The following CHST10 variants were observed in gnomAD, a reference collection of about 807,000 sequenced individuals.
CHST10 encodes the protein HNK-1 sulfotransferase.
CHST10 carries 24 observed loss-of-function variants against 34.7 expected under a neutral mutation model. The observed-to-expected ratio is 0.69, with a 90% confidence interval of 0.50 to 0.97. The LOEUF is 0.97. CHST10 is among the 50% of genes least tolerant of loss of function. The pLI is 0.00. For missense variants in CHST10, 402 were observed against 452.1 expected, an observed-to-expected ratio of 0.89 and a Z score of 1.00; for synonymous variants, 161 against 169.3, an observed-to-expected ratio of 0.95 and a Z score of 0.38.
chr2:100,415,070 G>A lies in CHST10; in HGVS notation c.-62C>T. On this transcript the variant is annotated 5_prime_UTR_variant, in exon 2 of 7. Transcript: ENST00000264249. ...TGCAGCCTGGGGCTCACATTTCCTT[G>A]CTGTGTTTCCCCTGAACTGAGGTTC... is the stretch of plus-strand genomic sequence containing the variant. 2 of 1,302,946 alleles carry A rather than the reference G, an allele frequency of 1.5e-6. No individual in the cohort carries two copies. The highest frequency in any genetic ancestry group is 2.0e-6 in the Non-Finnish European group (2 of 988,340). 80.7% of individuals were successfully genotyped at this position (1,302,946 alleles called of 1,614,324 possible). A position where few individuals can be genotyped will look rare whatever the true frequency, so the allele number is the denominator to read the frequency against.
chr2:100,397,892 G>A lies in CHST10; in HGVS notation c.427+16C>T. The A allele has an allele frequency of 1.3e-6, 2 of 1,593,398 alleles. No homozygotes were observed. The highest frequency in any genetic ancestry group is 1.7e-5 in the Admixed American group (1 of 59,478). ...CAAGACCCTTCCCAGTGGACATTCA[G>A]TAGACCCACACACACCATTTAGAAC... On this transcript the variant is annotated intron_variant, in intron 5 of 6. Coordinates refer to ENST00000264249, the MANE Select transcript of CHST10 (RefSeq NM_004854.5).
Position 100,394,058 on chromosome 2 carries a change from T to C in CHST10, c.534-276A>G, listed in dbSNP as rs531919888. On this transcript the variant is annotated intron_variant, in intron 6 of 6. Transcript: ENST00000264249. ...ATTGTAGGCAGTCACTGTGAAGACA[T>C]CTATTTAATCTACCTTCTGTTTTAC... 7.2e-5 allele frequency among the ~76,000 whole-genome samples: 11 copies of C among 152,308 alleles called. 1 individual carries two copies. Among genetic ancestry groups the C allele is most frequent in the African/African-American group, 2.6e-4 (11 of 41,554 alleles).
intron 2 of CHST10, among the ~76,000 whole-genome samples, chr2:100,414,101 A>G (rs946412537): frequency 1.3e-5 from 2 of 152,196 alleles, no homozygotes; most frequent in Admixed American, 1.3e-4. Context: ...GGGCATGGGC[A>G]GGATGTTGAG....
chr2:100,396,714 G>A (rs1465835862), intron 5 of CHST10, among the ~76,000 whole-genome samples: 2 of 152,116 alleles, frequency 1.3e-5, no homozygotes, highest in South Asian at 4.2e-4. Context: ...CCATCCAGGT[G>A]CACTAGTGGT....
chr2:100,399,661 C>T (rs2104335172), intron 4 of CHST10, among the ~76,000 whole-genome samples: 1 of 152,258 alleles, frequency 6.6e-6, no homozygotes, highest in East Asian at 1.9e-4. Flanking sequence ...TGACAGAGGT[C>T]CCCCCTCAGG....
At chr2:100,399,102 CT>C (rs34834152) in intron 4 of CHST10, among the ~76,000 whole-genome samples, 58,196 of 137,336 alleles carry the variant, frequency 0.42, 12,103 homozygotes, top group East Asian at 0.67. Flanking sequence ...CTCTCTCTCT[CT>C]TTTTTTTTTT....
Position 100,392,865 on chromosome 2 carries a change from GA to G in CHST10, c.*379del. The G allele has an allele frequency of 2.7e-5, 6 of 222,672 alleles. No homozygotes were observed. The highest frequency in any genetic ancestry group is 1.8e-4 in the South Asian group (2 of 11,280). 13.8% of individuals were successfully genotyped at this position (222,672 alleles called of 1,614,324 possible). A position where few individuals can be genotyped will look rare whatever the true frequency, so the allele number is the denominator to read the frequency against. ...CACCAGTGATGGGTGAAGCCACCCT[GA>G]CTAGCCAGGAGAACCTCAGGGGCAT... On this transcript the variant is annotated 3_prime_UTR_variant, in exon 7 of 7. Transcript: ENST00000264249.
chr2:100,403,545 A>G (rs1208310911), intron 3 of CHST10, among the ~76,000 whole-genome samples: 1 of 152,146 alleles, frequency 6.6e-6, no homozygotes, highest in African/African-American at 2.4e-5. Flanking sequence ...CACGACAACC[A>G]TGCTCTTCCT....
rs117030572 is a variant in CHST10, at chr2:100,398,339, G to A, written c.193-197C>T. On this transcript the variant is annotated intron_variant, in intron 4 of 6. Coordinates refer to ENST00000264249, the MANE Select transcript of CHST10 (RefSeq NM_004854.5). ...GCCTTCAGAGCCTCTCCACCAGCCC[G>A]ATCGGCAGGCTGGGCAAGGAAAATG... Among the ~76,000 whole-genome samples the A allele has an allele frequency of 2.1e-3, 325 of 152,186 alleles. 10 individuals carry two copies. In the East Asian group the frequency reaches 0.047, roughly 22 times the overall value.
chr2:100,403,462 T>C (rs1675430426), intron 3 of CHST10, among the ~76,000 whole-genome samples: 1 of 152,190 alleles, frequency 6.6e-6, no homozygotes, highest in Non-Finnish European at 1.5e-5. Context: ...GCCACAAATA[T>C]CACTGGCTCC....
intron 2 of CHST10, 147 bp downstream of exon 2, chr2:100,414,894 A>G (rs1199541731): frequency 7.5e-6 from 3 of 401,720 alleles, no homozygotes; most frequent in South Asian, 2.6e-5. Context: ...GCATGCTCCT[A>G]TTATTATATT....
At chr2:100,415,186 A>G (rs1676016274) in intron 1 of CHST10, 75 bp from the exon 2 acceptor site, 2 of 891,044 alleles carry the variant, frequency 2.2e-6, no homozygotes, top group African/African-American at 3.5e-5. Context: ...AACTTGGTTT[A>G]TACTTAGGAA....
intron 2 of CHST10, among the ~76,000 whole-genome samples, chr2:100,411,394 G>A (rs1340069490): frequency 6.6e-6 from 1 of 152,132 alleles, no homozygotes; most frequent in Non-Finnish European, 1.5e-5. Flanking sequence ...TTATAGGCGT[G>A]AGCCACCACA....
chr2:100,402,347 C>T (rs1011947652), intron 4 of CHST10, among the ~76,000 whole-genome samples: 2 of 152,164 alleles, frequency 1.3e-5, no homozygotes, highest in Admixed American at 6.5e-5. Context: ...CAGAGCAGCC[C>T]TGATGCACAG....
At chr2:100,409,500 G>T (rs577833783) in intron 2 of CHST10, among the ~76,000 whole-genome samples, 1 of 151,952 alleles carries the variant, frequency 6.6e-6, no homozygotes, top group African/African-American at 2.4e-5. Context: ...TCAGCTGGGC[G>T]GGGGGTCAGG....
At chr2:100,405,187 T>G (rs543711919) in intron 3 of CHST10, among the ~76,000 whole-genome samples, 1 of 152,282 alleles carries the variant, frequency 6.6e-6, no homozygotes, top group Admixed American at 6.5e-5. Flanking sequence ...CCTCCAAGAA[T>G]CGACCCTTGC....
At chr2:100,401,544 A>G (rs1675341659) in intron 4 of CHST10, among the ~76,000 whole-genome samples, 1 of 152,068 alleles carries the variant, frequency 6.6e-6, no homozygotes, top group Admixed American at 6.6e-5. Context: ...GTTTTTATCC[A>G]TGTAACTTTG....
intron 3 of CHST10, among the ~76,000 whole-genome samples, chr2:100,403,970 G>C (rs111791942): frequency 0.024 from 3,608 of 152,266 alleles, 64 homozygotes; most frequent in African/African-American, 0.055. Flanking sequence ...CCCCAGCCCA[G>C]GGCCTCTCTG....
At chr2:100,405,069 G>A (rs757032143) in intron 3 of CHST10, among the ~76,000 whole-genome samples, 8 of 152,200 alleles carry the variant, frequency 5.3e-5, no homozygotes, top group African/African-American at 1.7e-4. Flanking sequence ...ATGAGAACCC[G>A]GCTCTAGGGC....
Sources: allele counts gnomAD v4.1 joint callset (sites outside exome capture counted in the v4.1 genomes callset), GRCh38; gene constraint gnomAD v4.1.1; transcripts MANE v1.5; gene names NCBI Gene and HGNC (gene_info 2026-07-23, HGNC 2026-07-21).